Variants in PATJ observed in about 807,000 individuals in gnomAD.
PATJ encodes inaD-like protein.
In PATJ, 190 loss-of-function variants were observed where a neutral mutation model predicts 224.9. The observed-to-expected ratio is 0.84, with a 90% CI of 0.75 to 0.95. The LOEUF (loss-of-function observed/expected upper bound fraction) is 0.95, where lower values mean the gene tolerates loss of function less well. Ranked by LOEUF, PATJ falls within the 40% of genes least tolerant of loss-of-function variation. PATJ has a pLI of 0.00. For synonymous variants in PATJ, 769 were observed against 820.3 expected (o/e 0.94, Z 1.07); for missense variants, 2,121 against 2,270.3 (o/e 0.93, Z 1.34).
chr1:61,910,799 G>A (rs908164739), intron 25 of PATJ, among the ~76,000 whole-genome samples: 5 of 151,688 alleles, frequency 3.3e-5, no homozygotes, highest in East Asian at 3.9e-4. Context: ...CTCCTGCCTT[G>A]GCCTCCCAAA....
At chr1:61,795,652 A>G in intron 10 of PATJ, 94 bp downstream of exon 10, 1 of 626,318 alleles carries the variant, frequency 1.6e-6, no homozygotes, top group Non-Finnish European at 2.7e-6. Flanking sequence ...AGCTTAATAT[A>G]GTTTTATAAG....
intron 26 of PATJ, among the ~76,000 whole-genome samples, chr1:61,914,982 C>T (rs138515606): frequency 3.3e-4 from 50 of 152,256 alleles, no homozygotes; most frequent in African/African-American, 1.1e-3. Context: ...GATCTTGCTG[C>T]TCTCGCCTGG....
chr1:62,109,753 C>T (rs919208964), intron 34 of PATJ, among the ~76,000 whole-genome samples: 6 of 152,126 alleles, frequency 3.9e-5, no homozygotes, highest in African/African-American at 1.2e-4. Context: ...ATTTCTAAGT[C>T]CGCAAGTTAT....
At chr1:62,125,254 C>CAAAAAAAAAAA (rs779305398) in intron 39 of PATJ, among the ~76,000 whole-genome samples, 3 of 71,422 alleles carry the variant, frequency 4.2e-5, no homozygotes, top group African/African-American at 6.0e-5. Flanking sequence ...AAAAAAAAAA[C>CAAAAAAAAAAA]AAAAAAAAAC....
chr1:61,961,132 G>A (rs545216325), intron 27 of PATJ, among the ~76,000 whole-genome samples: 2 of 152,180 alleles, frequency 1.3e-5, no homozygotes, highest in African/African-American at 4.8e-5. Context: ...ACACGCTCTG[G>A]AACGATGCCA....
intron 27 of PATJ, among the ~76,000 whole-genome samples, chr1:61,988,202 A>C (rs1336240241): frequency 1.3e-5 from 2 of 151,876 alleles, no homozygotes; most frequent in Non-Finnish European, 2.9e-5. Flanking sequence ...TCATCTCAAA[A>C]AATAAAATAA....
intron 31 of PATJ, among the ~76,000 whole-genome samples, chr1:62,052,635 G>A (rs371210612): frequency 4.6e-5 from 7 of 151,890 alleles, no homozygotes; most frequent in Admixed American, 2.6e-4. Flanking sequence ...CCAGCTACTC[G>A]GGAGGCCGAG....
Position 61,801,674 on chromosome 1 carries a change from T to C in PATJ, c.1454T>C (p.Val485Ala), listed in dbSNP as rs1318414860. 1 of 1,602,516 alleles carries C rather than the reference T, an allele frequency of 6.2e-7. No homozygotes were observed. The highest frequency in any genetic ancestry group is 2.2e-5 in the East Asian group (1 of 44,716). Residue 485 changes from valine (V) to alanine (A), a missense_variant, in exon 12 of 44, where the codon GTG becomes GCG. Transcript: ENST00000642238. ...KPPALFLTGA[V>A]ETETNVDGED... ...CCAGCTCTCTTTCTAACTGGAGCAG[T>C]GGAAACTGAAACTAATGTGGATGGT... is the stretch of plus-strand genomic sequence containing the variant.
At chr1:61,749,286 G>A (rs985145655) in intron 1 of PATJ, among the ~76,000 whole-genome samples, 14 of 152,056 alleles carry the variant, frequency 9.2e-5, no homozygotes, top group Admixed American at 1.3e-4. Context: ...GATTGCAGGC[G>A]TGAGCCACCA....
chr1:61,755,990 C>CG (rs1645618102), intron 1 of PATJ, among the ~76,000 whole-genome samples: 3 of 152,058 alleles, frequency 2.0e-5, no homozygotes, highest in Non-Finnish European at 4.4e-5. Context: ...TTAGTAGAGA[C>CG]GGGGTTTCTC....
At chr1:61,963,081 G>C (rs2149432757) in intron 27 of PATJ, among the ~76,000 whole-genome samples, 1 of 152,280 alleles carries the variant, frequency 6.6e-6, no homozygotes, top group East Asian at 1.9e-4. Context: ...AAAATACGCA[G>C]TCTATTATTC....
intron 31 of PATJ, chr1:62,072,641 A>G (rs1251537272): frequency 6.6e-6 from 1 of 151,842 alleles, no homozygotes; most frequent in African/African-American, 2.4e-5. Context: ...AGCCCAGGTC[A>G]GAAACAGAGC....
chr1:61,756,793 T>A (rs1645671404), intron 1 of PATJ, among the ~76,000 whole-genome samples: 1 of 152,028 alleles, frequency 6.6e-6, no homozygotes, highest in South Asian at 2.1e-4. Context: ...TTGGCCAGGC[T>A]GGTCTTGAAC....
chr1:61,912,029 A>AAAATCCTTTTG (rs56779875), intron 25 of PATJ, among the ~76,000 whole-genome samples: 109,054 of 149,080 alleles, frequency 0.73, 40,171 homozygotes, highest in East Asian at 1. Flanking sequence ...TTTATATTAA[A>AAAATCCTTTTG]AAATTGGATA....
intron 17 of PATJ, among the ~76,000 whole-genome samples, chr1:61,839,378 C>T (rs1371667492): frequency 2.6e-5 from 4 of 151,720 alleles, no homozygotes; most frequent in Non-Finnish European, 5.9e-5. Flanking sequence ...TGCTCATATG[C>T]ATTGTGTAAG....
At position 62,161,858 on chromosome 1, in the gene PATJ, A is replaced by T. The variant is rs918269872; in HGVS notation, c.*804A>T. 1.3e-5 allele frequency: 2 copies of T among 152,254 alleles called. No individual in the cohort carries two copies. Among genetic ancestry groups the T allele is most frequent in the Admixed American group, 1.3e-4 (2 of 15,280 alleles). 9.4% of individuals were successfully genotyped at this position (152,254 alleles called of 1,614,324 possible). A position where few individuals can be genotyped will look rare whatever the true frequency, so the allele number is the denominator to read the frequency against. ...CTCTTCAAGTAAGCAAGAAAACATT[A>T]GCAGTGTAATTAATTTACCAGTGAT... On this transcript the variant is annotated 3_prime_UTR_variant, in exon 44 of 44. Transcript: ENST00000642238.
intron 11 of PATJ, 87 bp from the exon 12 acceptor site, chr1:61,801,536 A>G: frequency 1.4e-6 from 1 of 701,472 alleles, no homozygotes; most frequent in Non-Finnish European, 2.1e-6. Context: ...CAGCAGTAAA[A>G]TCTGCTCACT....
At chr1:61,938,980 A>G (rs933529472) in intron 27 of PATJ, among the ~76,000 whole-genome samples, 7 of 151,558 alleles carry the variant, frequency 4.6e-5, no homozygotes, top group Non-Finnish European at 1.0e-4. Context: ...AAAATTAGCC[A>G]GGCGTGGTGG....
chr1:61,977,033 T>C (rs986489292), intron 27 of PATJ, among the ~76,000 whole-genome samples: 3 of 152,090 alleles, frequency 2.0e-5, no homozygotes, highest in East Asian at 1.9e-4. Context: ...ATTCTTACAA[T>C]TGGCTTGTTC....
Sources: gnomAD v4.1 joint callset for allele counts (sites outside exome capture counted in the v4.1 genomes callset) on GRCh38, gnomAD v4.1.1 for gene constraint, MANE v1.5 for transcripts, NCBI Gene and HGNC (gene_info 2026-07-23, HGNC 2026-07-21) for gene names.